ADAM7: variants seen among roughly 807,000 people sequenced by gnomAD.
ADAM7 encodes the protein ADAM metallopeptidase domain 7, also known as disintegrin and metalloproteinase domain-containing protein 7.
A neutral mutation model predicts 102.9 loss-of-function variants in ADAM7; 97 were observed. The observed-to-expected ratio is 0.94, with a 90% confidence interval of 0.80 to 1.12. The LOEUF (loss-of-function observed/expected upper bound fraction) is 1.12, where lower values mean the gene tolerates loss of function less well. Ranked by LOEUF, ADAM7 falls within the 50% of genes most tolerant of loss-of-function variation. The pLI is 0.00. For synonymous variants in ADAM7, 334 were observed against 304.4 expected, an observed-to-expected ratio of 1.10 and a Z score of -1.01; for missense variants, 991 against 908.7, an observed-to-expected ratio of 1.09 and a Z score of -1.16.
intron 2 of ADAM7, among the ~76,000 whole-genome samples, chr8:24,443,702 C>A (rs1458514826): frequency 2.0e-5 from 3 of 152,126 alleles, no homozygotes; most frequent in Non-Finnish European, 4.4e-5. Context: ...CTTTGGGAGG[C>A]CGAGGAGGGC....
chr8:24,487,566 C>T (rs1300220229), intron 11 of ADAM7, among the ~76,000 whole-genome samples: 6 of 149,412 alleles, frequency 4.0e-5, no homozygotes, highest in African/African-American at 1.2e-4. Flanking sequence ...ATTCGGGAGG[C>T]GGAGGTTGCC....
At chr8:24,491,660 A>G (rs529848096) in intron 13 of ADAM7, among the ~76,000 whole-genome samples, 6 of 152,162 alleles carry the variant, frequency 3.9e-5, no homozygotes, top group Non-Finnish European at 7.4e-5. Flanking sequence ...CATTTGATGT[A>G]CATCCCAACT....
intron 7 of ADAM7, among the ~76,000 whole-genome samples, chr8:24,475,551 G>A (rs997103586): frequency 3.9e-5 from 6 of 152,086 alleles, no homozygotes; most frequent in Non-Finnish European, 2.9e-5. Context: ...TAGTTTCAAT[G>A]GAATAGTGGC....
At chr8:24,485,645 G>A (rs543876001) in intron 10 of ADAM7, among the ~76,000 whole-genome samples, 1 of 152,258 alleles carries the variant, frequency 6.6e-6, no homozygotes, top group East Asian at 1.9e-4. Flanking sequence ...ATGAAATATA[G>A]CTACTTATAA....
At chr8:24,441,286 T>A in intron 1 of ADAM7, 126 bp downstream of exon 1, 1 of 887,078 alleles carries the variant, frequency 1.1e-6, no homozygotes, top group Non-Finnish European at 1.8e-6. Flanking sequence ...GAGCTTCGAC[T>A]AGATTACAGC....
chr8:24,459,497 C>A (rs1422326936), intron 3 of ADAM7, among the ~76,000 whole-genome samples: 1 of 151,820 alleles, frequency 6.6e-6, no homozygotes, highest in African/African-American at 2.4e-5. Context: ...TACTGTATTT[C>A]CCAGGCTGGA....
intron 3 of ADAM7, among the ~76,000 whole-genome samples, chr8:24,450,718 G>A (rs1818750389): frequency 6.6e-6 from 1 of 151,380 alleles, no homozygotes; most frequent in Non-Finnish European, 1.5e-5. Flanking sequence ...GGGCATCCCT[G>A]TCTTGTGCCA....
At chr8:24,474,140 A>C (rs746211343) in intron 7 of ADAM7, among the ~76,000 whole-genome samples, 7 of 152,100 alleles carry the variant, frequency 4.6e-5, no homozygotes, top group Non-Finnish European at 1.0e-4. Context: ...AAAAGGTAAG[A>C]CCCATCTTAA....
intron 11 of ADAM7, among the ~76,000 whole-genome samples, chr8:24,487,824 A>G (rs1820196424): frequency 6.6e-6 from 1 of 152,090 alleles, no homozygotes; most frequent in Non-Finnish European, 1.5e-5. Flanking sequence ...CTCTAGTGAT[A>G]CCGTGAGAGA....
intron 20 of ADAM7, among the ~76,000 whole-genome samples, chr8:24,505,470 T>A (rs1035684081): frequency 1.3e-5 from 2 of 151,924 alleles, no homozygotes; most frequent in Non-Finnish European, 2.9e-5. Flanking sequence ...ACATTTAGGG[T>A]TTTTGTATTT....
chr8:24,444,366 G>T (rs1382989063), intron 2 of ADAM7, among the ~76,000 whole-genome samples: 1 of 151,912 alleles, frequency 6.6e-6, no homozygotes, highest in African/African-American at 2.4e-5. Flanking sequence ...CCTCTCCAGG[G>T]GGTGGAACCT....
chr8:24,487,845 C>G (rs1820197348), intron 11 of ADAM7, among the ~76,000 whole-genome samples: 1 of 152,082 alleles, frequency 6.6e-6, no homozygotes. Flanking sequence ...AATCCCAAAA[C>G]TTTCTGGGTA....
chr8:24,488,098 C>A (rs1266847604), intron 11 of ADAM7, among the ~76,000 whole-genome samples: 1 of 152,152 alleles, frequency 6.6e-6, no homozygotes, highest in Non-Finnish European at 1.5e-5. Flanking sequence ...GTACTTATTA[C>A]TATCTAGCAT....
rs1055468223 is a variant in ADAM7 at position 24,474,672 on chromosome 8, C to G, written c.634-1761C>G. Among the ~76,000 whole-genome samples, 85 of 152,046 alleles carry G rather than the reference C, an allele frequency of 5.6e-4. 1 individual carries two copies. Among genetic ancestry groups the G allele is most frequent in the Non-Finnish European group, 5.9e-5 (4 of 68,008 alleles). On this transcript the variant is annotated intron_variant, in intron 7 of 21. Coordinates refer to ENST00000175238, the MANE Select transcript of ADAM7 (RefSeq NM_003817.4). ...TTGAGAAGCCGAGGTGGGAGGACTG[C>G]TTGAGACCAGGAGTTTGAGACCAGC... is the stretch of plus-strand genomic sequence containing the variant.
chr8:24,504,367 C>CA (rs1255582189), intron 20 of ADAM7, among the ~76,000 whole-genome samples: 2 of 151,062 alleles, frequency 1.3e-5, no homozygotes, highest in Non-Finnish European at 2.9e-5. Flanking sequence ...TACCCTGTCT[C>CA]AAAAAACAAC....
At chr8:24,464,369 C>T (rs747242100) in intron 4 of ADAM7, among the ~76,000 whole-genome samples, 1 of 152,090 alleles carries the variant, frequency 6.6e-6, no homozygotes, top group Non-Finnish European at 1.5e-5. Context: ...TCCCCTTGCC[C>T]GGTTTTTCTG....
chr8:24,501,700 T>C, intron 20 of ADAM7, 124 bp downstream of exon 20: 1 of 621,054 alleles, frequency 1.6e-6, no homozygotes, highest in Non-Finnish European at 2.7e-6. Context: ...CAATTTAACA[T>C]GGTTCCACAC....
chr8:24,465,650 A>G, intron 4 of ADAM7, 49 bp from the exon 5 acceptor site: 1 of 1,189,250 alleles, frequency 8.4e-7, no homozygotes. Context: ...TAGTATCTAT[A>G]TAAAATCAAT....
chr8:24,452,513 C>T (rs1473535606), intron 3 of ADAM7, among the ~76,000 whole-genome samples: 2 of 151,896 alleles, frequency 1.3e-5, no homozygotes, highest in Admixed American at 6.6e-5. Flanking sequence ...GTAGATCTTC[C>T]TCTATCCTTT....
Sources: gnomAD v4.1 joint callset for allele counts (sites outside exome capture counted in the v4.1 genomes callset) on GRCh38, gnomAD v4.1.1 for gene constraint, MANE v1.5 for transcripts, NCBI Gene and HGNC (gene_info 2026-07-23, HGNC 2026-07-21) for gene names.